APOBEC3G: variants seen among roughly 807,000 people sequenced by gnomAD.
APOBEC3G encodes the protein DNA dC->dU-editing enzyme APOBEC-3G.
Under a neutral mutation model 50.0 loss-of-function variants are expected in APOBEC3G, and 44 were observed. The ratio of observed to expected loss-of-function variants is 0.88; its 90% CI spans 0.69 to 1.13. The LOEUF (loss-of-function observed/expected upper bound fraction) is 1.13, where lower values mean the gene tolerates loss of function less well. Ranked by LOEUF, APOBEC3G falls within the 50% of genes most tolerant of loss-of-function variation. APOBEC3G has a pLI of 0.00. For missense variants in APOBEC3G, 469 were observed against 492.0 expected (o/e 0.95, Z 0.44); for synonymous variants, 156 against 175.3 (o/e 0.89, Z 0.87).
In APOBEC3G at chr22:39,077,302, G is replaced by C; in HGVS notation, c.-60G>C. 1 of 1,555,182 alleles carries C rather than the reference G, an allele frequency of 6.4e-7. No individual in the cohort carries two copies. Among genetic ancestry groups the C allele is most frequent in the Non-Finnish European group, 8.7e-7 (1 of 1,148,558 alleles). The stretch of plus-strand genomic sequence containing the variant: ...GCTGTCCTAAAACCAGAAGCTTGGA[G>C]CAGAAAGTGAAACCCTGGTGCTCCA... On this transcript the variant is annotated 5_prime_UTR_variant, in exon 1 of 8. Coordinates refer to ENST00000407997, the MANE Select transcript of APOBEC3G (RefSeq NM_021822.4).
At chr22:39,079,598 C>T (rs1191710560) in intron 2 of APOBEC3G, 2 of 152,428 alleles carry the variant, frequency 1.3e-5, no homozygotes, top group African/African-American at 4.8e-5. Flanking sequence ...GTTGGGATTA[C>T]AGGTGTGAGC....
chr22:39,080,853 G>GC, intron 2 of APOBEC3G, 80 bp from the exon 3 acceptor site: 1 of 1,207,294 alleles, frequency 8.3e-7, no homozygotes, highest in South Asian at 1.5e-5. Flanking sequence ...TCCTGTCCTG[G>GC]CCCCTCCTCC....
chr22:39,083,970 G>T (rs1175610780), intron 5 of APOBEC3G, 86 bp downstream of exon 5: 5 of 1,489,792 alleles, frequency 3.4e-6, no homozygotes, highest in Admixed American at 4.0e-5. Context: ...GGTACCTGTG[G>T]TGTCCTGCAG....
rs1233861728 is a variant in APOBEC3G at position 39,080,987 on chromosome 22, A to C, written c.226A>C (p.Lys76Gln). ...GATGAGATTCTTCCACTGGTTCAGC[A>C]AGTGGAGGAAGCTGCATCGTGACCA... Reference protein sequence around the residue: ...PEMRFFHWFSKWRKLHRDQEY... With the variant: ...PEMRFFHWFSQWRKLHRDQEY... The change falls in exon 3 of 8, where the codon AAG becomes CAG. Residue 76 changes from lysine (K) to glutamine (Q), a missense_variant. Coordinates refer to ENST00000407997, the MANE Select transcript of APOBEC3G (RefSeq NM_021822.4). 18 of 1,613,972 alleles carry C rather than the reference A, an allele frequency of 1.1e-5. No individual in the cohort carries two copies. Among genetic ancestry groups the C allele is most frequent in the Non-Finnish European group, 1.4e-5 (17 of 1,179,988 alleles).
In APOBEC3G at chr22:39,081,096, C is replaced by T. The variant is rs140066240; in HGVS notation, c.335C>T (p.Pro112Leu). The T allele has an allele frequency of 5.0e-6, 8 of 1,614,076 alleles. No individual in the cohort carries two copies. The highest frequency in any genetic ancestry group is 2.2e-5 in the East Asian group (1 of 44,900). The change falls in exon 3 of 8, where the codon CCG becomes CTG. Residue 112 changes from proline to leucine, a missense_variant. Coordinates refer to ENST00000407997, the MANE Select transcript of APOBEC3G (RefSeq NM_021822.4). ...ATGGCCACGTTCCTGGCCGAGGACCCGAAGGTTACCCTGACCATCTTTGTT... is the reference window on the plus strand; with the variant it reads ...ATGGCCACGTTCCTGGCCGAGGACCTGAAGGTTACCCTGACCATCTTTGTT... ...RDMATFLAED[P>L]KVTLTIFVAR...
Position 39,087,049 on chromosome 22 carries a change from G to A in APOBEC3G, c.1063G>A (p.Gly355Arg), listed in dbSNP as rs752227439. 2.5e-6 allele frequency: 4 copies of A among 1,613,110 alleles called. No individual in the cohort carries two copies. The highest frequency in any genetic ancestry group is 2.2e-5 in the South Asian group (2 of 91,016). The change falls in exon 7 of 8, where the codon GGA (glycine) becomes AGA (arginine). Residue 355 changes from glycine to arginine, a missense_variant. By Grantham distance (125) the Gly-to-Arg change is moderately radical. Transcript: ENST00000407997. ...HCWDTFVDHQ[G>R]CPFQPWDGLD... Reference sequence around the variant, plus strand: ...CTGGGACACCTTTGTGGACCACCAGGGATGTCCCTTCCAGCCCTGGGATGG... The same window carrying A: ...CTGGGACACCTTTGTGGACCACCAGAGATGTCCCTTCCAGCCCTGGGATGG...
rs1174136181 is a variant in APOBEC3G at position 39,086,997 on chromosome 22, C to T, written c.1025-14C>T. 1 of 1,594,422 alleles carries T rather than the reference C, an allele frequency of 6.3e-7. No homozygotes were observed. Among genetic ancestry groups the T allele is most frequent in the Non-Finnish European group, 8.6e-7 (1 of 1,167,862 alleles). On this transcript the variant is annotated splice_polypyrimidine_tract_variant and intron_variant, in intron 6 of 7. Transcript: ENST00000407997. ...ACAGCGGGAGTGTGACTTATCTCCC[C>T]TGTCCCTTTTCAGAATTTAAGCACT...
chr22:39,083,674 G>A (rs1270571926), intron 4 of APOBEC3G, 57 bp from the exon 5 acceptor site: 9 of 1,576,792 alleles, frequency 5.7e-6, no homozygotes, highest in Non-Finnish European at 7.8e-6. Context: ...GAGGGAGGGG[G>A]AGGTGGGACA....
chr22:39,080,777 C>G, intron 2 of APOBEC3G, 156 bp from the exon 3 acceptor site: 1 of 686,852 alleles, frequency 1.5e-6, no homozygotes, highest in South Asian at 1.9e-5. Context: ...AGCTTTGGAG[C>G]AGACAAACAC....
At chr22:39,087,249 T>A in intron 7 of APOBEC3G, 123 bp downstream of exon 7, 1 of 1,598,412 alleles carries the variant, frequency 6.3e-7, no homozygotes, top group Non-Finnish European at 8.6e-7. Flanking sequence ...AGGGCACCTG[T>A]CTCTGTCCCT....
intron 4 of APOBEC3G, 75 bp downstream of exon 4, chr22:39,081,660 TC>T: frequency 8.0e-7 from 1 of 1,250,336 alleles, no homozygotes; most frequent in Non-Finnish European, 1.2e-6. Context: ...TCCCCTCTGT[TC>T]CAGACCAGGT....
chr22:39,081,959 A>C (rs536498856), intron 4 of APOBEC3G: 1 of 192,422 alleles, frequency 5.2e-6, no homozygotes, highest in African/African-American at 2.4e-5. Context: ...GGCAGTCAGA[A>C]GCTTTGAGCA....
chr22:39,083,646 C>T, intron 4 of APOBEC3G, 85 bp from the exon 5 acceptor site: 1 of 1,483,878 alleles, frequency 6.7e-7, no homozygotes. Flanking sequence ...GGGTGGGGTG[C>T]AAGGGAGGAA....
chr22:39,082,682 C>CG (rs372485119), intron 4 of APOBEC3G: 59 of 144,642 alleles, frequency 4.1e-4, no homozygotes, highest in African/African-American at 1.4e-3. Flanking sequence ...TTTGAGGGAG[C>CG]GGGGGTTAAG....
chr22:39,077,210 A>G, upstream of APOBEC3G: 2 of 1,362,200 alleles, frequency 1.5e-6, no homozygotes, highest in Non-Finnish European at 2.0e-6. Flanking sequence ...GGCCTCCTAC[A>G]CCAGCGCCTG....
At chr22:39,087,243 C>T in intron 7 of APOBEC3G, 117 bp downstream of exon 7, 2 of 1,598,594 alleles carry the variant, frequency 1.3e-6, no homozygotes, top group South Asian at 2.2e-5. Flanking sequence ...TCCCCCAGGG[C>T]ACCTGTCTCT....
chr22:39,079,079 A>G lies in APOBEC3G; in HGVS notation c.165A>G (p.Arg55=). The G allele has an allele frequency of 6.2e-7, 1 of 1,614,072 alleles. No homozygotes were observed. The highest frequency in any genetic ancestry group is 1.1e-5 in the South Asian group (1 of 91,064). The change falls in exon 2 of 8, where the codon CGA becomes CGG. Residue 55 remains arginine (R), a synonymous_variant. Coordinates refer to ENST00000407997, the MANE Select transcript of APOBEC3G (RefSeq NM_021822.4). The stretch of plus-strand genomic sequence containing the variant: ...CCCCTTTGGACGCAAAGATCTTTCG[A>G]GGCCAGGTACCACCCGGACTCCAAT... The part of the protein sequence containing the change: ...SRPPLDAKIF[R]GQVYSELKYH...
At position 39,081,175 on chromosome 22, in the gene APOBEC3G, G is replaced by A. The variant is rs1274311455; in HGVS notation, c.414G>A (p.Leu138=). Residue 138 remains leucine, a synonymous_variant, in exon 3 of 8, where the codon CTG becomes CTA. Transcript: ENST00000407997. Reference sequence around the variant, plus strand: ...ATTACCAGGAGGCGCTTCGCAGCCTGTGTCAGAAAAGAGACGGTCCGCGTG... The same window carrying A: ...ATTACCAGGAGGCGCTTCGCAGCCTATGTCAGAAAAGAGACGGTCCGCGTG... ...DPDYQEALRS[L]CQKRDGPRAT... 1.9e-6 allele frequency: 3 copies of A among 1,614,150 alleles called. No homozygotes were observed. Among genetic ancestry groups the A allele is most frequent in the Non-Finnish European group, 2.5e-6 (3 of 1,180,064 alleles).
At chr22:39,078,825 A>G in intron 1 of APOBEC3G, 107 bp from the exon 2 acceptor site, 1 of 1,445,446 alleles carries the variant, frequency 6.9e-7, no homozygotes, top group Non-Finnish European at 9.2e-7. Context: ...GAGGGGAGGG[A>G]TGGGGGAGGC....
Sources: gnomAD v4.1 joint callset for allele counts on GRCh38, gnomAD v4.1.1 for gene constraint, MANE v1.5 for transcripts, NCBI Gene and HGNC (gene_info 2026-07-23, HGNC 2026-07-21) for gene names.